CSMD1: variants seen among roughly 807,000 people sequenced by gnomAD.
CSMD1 encodes the protein CUB and Sushi multiple domains 1.
CSMD1 carries 213 observed loss-of-function variants against 417.5 expected under a neutral mutation model. The observed-to-expected ratio is 0.51, with a 90% CI of 0.46 to 0.57. The LOEUF is 0.57. CSMD1 is among the 20% of genes least tolerant of loss of function. The pLI is 0.00. For missense variants in CSMD1, 6,923 were observed against 4,529.7 expected (o/e 1.53, Z -15.17); for synonymous variants, 2,862 against 1,736.8 (o/e 1.65, Z -16.11).
chr8:4,395,933 G>A (rs573366642), intron 3 of CSMD1, among the ~76,000 whole-genome samples: 23 of 152,228 alleles, frequency 1.5e-4, no homozygotes, highest in African/African-American at 4.1e-4. Context: ...TTTTGTAACC[G>A]TTGAAATATT....
chr8:3,027,570 C>G (rs1008065537), intron 51 of CSMD1, among the ~76,000 whole-genome samples: 3 of 152,148 alleles, frequency 2.0e-5, no homozygotes, highest in Admixed American at 6.5e-5. Flanking sequence ...CACGTGTACA[C>G]GATGACATTC....
chr8:3,960,094 G>C lies in CSMD1; in HGVS notation c.818+37809C>G, dbSNP rs1384311314. 4.6e-5 allele frequency among the ~76,000 whole-genome samples: 7 copies of C among 152,316 alleles called. No individual in the cohort carries two copies. The South Asian group carries it at 6.2e-4, about 14-fold the overall frequency. ...CATCTTATTAGACAACAGTGCTGGA[G>C]CTAAGTGGAAACACAGGTTGTTCAA... is the stretch of plus-strand genomic sequence containing the variant. On this transcript the variant is annotated intron_variant, in intron 5 of 69. Coordinates refer to ENST00000635120, the MANE Select transcript of CSMD1 (RefSeq NM_033225.6).
In CSMD1 at chr8:4,182,272, G is replaced by C. The variant is rs139770728; in HGVS notation, c.416-150173C>G. Among the ~76,000 whole-genome samples the C allele has an allele frequency of 1.4e-3, 216 of 152,146 alleles. 4 individuals carry two copies. The East Asian group carries it at 0.038, about 26-fold the overall frequency. ...AATATATCTAGATTATCGTTTGCAT[G>C]ATTTGTTTAAAAGAGGGTAAAGTTC... On this transcript the variant is annotated intron_variant, in intron 3 of 69. Transcript: ENST00000635120.
intron 5 of CSMD1, chr8:3,949,835 T>G (rs374723515): frequency 1.8e-5 from 8 of 446,452 alleles, no homozygotes; most frequent in Non-Finnish European, 3.6e-5. Context: ...CCATCTTTCA[T>G]TGATTGAGGG....
intron 6 of CSMD1, among the ~76,000 whole-genome samples, chr8:3,719,873 T>C (rs1464091007): frequency 6.6e-6 from 1 of 152,176 alleles, no homozygotes; most frequent in Non-Finnish European, 1.5e-5. Flanking sequence ...ACTTAATCAT[T>C]GTTCTGGAAC....
At chr8:3,766,583 C>A in intron 5 of CSMD1, among the ~76,000 whole-genome samples, 1 of 151,794 alleles carries the variant, frequency 6.6e-6, no homozygotes, top group East Asian at 1.9e-4. Flanking sequence ...TTTTGACTAT[C>A]AAAAAAGGCA....
At chr8:4,033,089 C>G (rs1260290709) in intron 3 of CSMD1, among the ~76,000 whole-genome samples, 4 of 121,598 alleles carry the variant, frequency 3.3e-5, no homozygotes, top group Non-Finnish European at 6.4e-5. Context: ...GATTCCATGT[C>G]TTTAGACAAT....
chr8:3,105,165 T>A (rs1816045169), intron 46 of CSMD1, among the ~76,000 whole-genome samples: 1 of 152,240 alleles, frequency 6.6e-6, no homozygotes, highest in African/African-American at 2.4e-5. Flanking sequence ...CGGTGAGTCT[T>A]TACAACAATC....
intron 3 of CSMD1, among the ~76,000 whole-genome samples, chr8:4,150,142 G>C (rs903329628): frequency 6.6e-6 from 1 of 152,178 alleles, no homozygotes; most frequent in Non-Finnish European, 1.5e-5. Flanking sequence ...GGAATAAACT[G>C]TGATATCTTG....
intron 2 of CSMD1, among the ~76,000 whole-genome samples, chr8:4,556,308 A>C (rs964483885): frequency 6.6e-6 from 1 of 152,212 alleles, no homozygotes; most frequent in Non-Finnish European, 1.5e-5. Flanking sequence ...TTTTAATTGT[A>C]AAATAGTATA....
intron 17 of CSMD1, among the ~76,000 whole-genome samples, chr8:3,395,015 C>T (rs1330921767): frequency 1.3e-5 from 2 of 152,046 alleles, no homozygotes; most frequent in Admixed American, 6.6e-5. Context: ...GAGGAATGCA[C>T]ATAACAGGTT....
chr8:4,401,097 G>A (rs993357889), intron 3 of CSMD1, among the ~76,000 whole-genome samples: 15 of 152,116 alleles, frequency 9.9e-5, no homozygotes, highest in South Asian at 2.1e-4. Context: ...AAAGAAAATT[G>A]AAGATAACCT....
chr8:4,329,648 G>A (rs2062879), intron 3 of CSMD1, among the ~76,000 whole-genome samples: 57,052 of 151,804 alleles, frequency 0.38, 12,439 homozygotes, highest in East Asian at 0.6. Flanking sequence ...CAGTGATATC[G>A]TTTGGATCTG....
intron 11 of CSMD1, among the ~76,000 whole-genome samples, chr8:3,478,276 G>A (rs12114645): frequency 6.6e-6 from 1 of 152,312 alleles, no homozygotes; most frequent in South Asian, 2.1e-4. Flanking sequence ...GCGTGAAAAA[G>A]ATGTAATCCA....
At chr8:4,350,583 C>T (rs529489891) in intron 3 of CSMD1, among the ~76,000 whole-genome samples, 1 of 152,232 alleles carries the variant, frequency 6.6e-6, no homozygotes, top group East Asian at 1.9e-4. Flanking sequence ...AACACTTCCA[C>T]GCTTACAATG....
chr8:3,288,673 A>G (rs976997872), intron 25 of CSMD1, among the ~76,000 whole-genome samples: 2 of 146,566 alleles, frequency 1.4e-5, no homozygotes, highest in South Asian at 2.1e-4. Context: ...TATTGTGTCT[A>G]TTTGATTCTT....
chr8:3,962,745 A>G (rs1469967951), intron 5 of CSMD1, among the ~76,000 whole-genome samples: 1 of 152,114 alleles, frequency 6.6e-6, no homozygotes, highest in East Asian at 1.9e-4. Flanking sequence ...TCAAGGCTGG[A>G]CACTCTCAGA....
chr8:3,055,130 A>G (rs1336317755), intron 49 of CSMD1, among the ~76,000 whole-genome samples: 2 of 152,188 alleles, frequency 1.3e-5, no homozygotes, highest in Admixed American at 6.5e-5. Context: ...ACATTTTTCT[A>G]TCGGACGAAA....
At position 3,638,352 on chromosome 8, in the gene CSMD1, G is replaced by C. The variant is rs1238068202; in HGVS notation, c.1010-21555C>G. 2.0e-5 allele frequency among the ~76,000 whole-genome samples: 3 copies of C among 152,178 alleles called. No homozygotes were observed. The East Asian group carries it at 5.8e-4, about 29-fold the overall frequency. On this transcript the variant is annotated intron_variant, in intron 7 of 69. Coordinates refer to ENST00000635120, the MANE Select transcript of CSMD1 (RefSeq NM_033225.6). ...TGTCTAAAACCCAGTGTTAGCTTCAGTGTGTCCCAAGAGGCTGTAGCCAGG... is the reference window on the plus strand; with the variant it reads ...TGTCTAAAACCCAGTGTTAGCTTCACTGTGTCCCAAGAGGCTGTAGCCAGG...
Sources: allele counts gnomAD v4.1 joint callset (sites outside exome capture counted in the v4.1 genomes callset), GRCh38; gene constraint gnomAD v4.1.1; transcripts MANE v1.5; gene names NCBI Gene and HGNC (gene_info 2026-07-23, HGNC 2026-07-21).